Variants in PRODH2 observed in about 807,000 individuals in gnomAD.
PRODH2 encodes proline dehydrogenase 2.
In PRODH2, 49 loss-of-function variants were observed where a neutral mutation model predicts 51.9. That is an observed-to-expected ratio of 0.94 (90% confidence interval 0.75 to 1.20). PRODH2 has a LOEUF of 1.20. Among genes scored for constraint, PRODH2 ranks in the 50% most tolerant of loss-of-function variants. The probability of loss-of-function intolerance (pLI) is 0.00; values close to 1 mark genes in which losing one functional copy is unlikely to be tolerated. For missense variants in PRODH2, 597 were observed against 610.9 expected, an observed-to-expected ratio of 0.98 and a Z score of 0.24; for synonymous variants, 249 against 260.7, an observed-to-expected ratio of 0.96 and a Z score of 0.43.
At chr19:35,808,842 C>G (rs1972556892) in intron 4 of PRODH2, among the ~76,000 whole-genome samples, 1 of 142,604 alleles carries the variant, frequency 7.0e-6, no homozygotes, top group South Asian at 2.4e-4. Context: ...ATAGATCTCA[C>G]TCTGTCTCCC....
At chr19:35,810,664 G>A (rs1057124818) in intron 4 of PRODH2, among the ~76,000 whole-genome samples, 1 of 152,114 alleles carries the variant, frequency 6.6e-6, no homozygotes, top group African/African-American at 2.4e-5. Flanking sequence ...GGGACTACAG[G>A]TGTGTGCCAC....
At chr19:35,807,252 C>T (rs1972529224) in intron 4 of PRODH2, 131 bp from the exon 5 acceptor site, 2 of 847,920 alleles carry the variant, frequency 2.4e-6, no homozygotes, top group Non-Finnish European at 3.7e-6. Context: ...CAGGCTTCAC[C>T]ACCTACTGTG....
chr19:35,812,300 G>C (rs772323425), intron 2 of PRODH2, 28 bp from the exon 3 acceptor site: 1 of 1,612,208 alleles, frequency 6.2e-7, no homozygotes, highest in Non-Finnish European at 8.5e-7. Context: ...GTCAGGGCCC[G>C]AACAGCAAAG....
At chr19:35,807,145 G>A in intron 4 of PRODH2, 24 bp from the exon 5 acceptor site, 1 of 1,521,342 alleles carries the variant, frequency 6.6e-7, no homozygotes, top group Non-Finnish European at 8.9e-7. Context: ...GGGGAAGTGG[G>A]GAAAAGCTTA....
chr19:35,802,944 C>T (rs144016042), intron 8 of PRODH2, 24 bp downstream of exon 8: 500 of 1,488,888 alleles, frequency 3.4e-4, no homozygotes, highest in Non-Finnish European at 4.1e-4. Context: ...GCACCTATTT[C>T]CCGCCCATCC....
In PRODH2 at chr19:35,806,417, G is replaced by A. The variant is rs1159601422; in HGVS notation, c.1001+13C>T. On this transcript the variant is annotated intron_variant, in intron 7 of 9. Transcript: ENST00000653904. Reference sequence around the variant, plus strand: ...TTATTATTTCCTGCAGAGGCCAGCTGGCCCGGGCCTACCTCTGACTGGTGG... The same window carrying A: ...TTATTATTTCCTGCAGAGGCCAGCTAGCCCGGGCCTACCTCTGACTGGTGG... 1 of 1,613,878 alleles carries A rather than the reference G, an allele frequency of 6.2e-7. No homozygotes were observed. The highest frequency in any genetic ancestry group is 1.7e-5 in the Admixed American group (1 of 59,996).
At chr19:35,812,074 G>A in intron 3 of PRODH2, 26 bp from the exon 4 acceptor site, 1 of 1,614,016 alleles carries the variant, frequency 6.2e-7, no homozygotes, top group Non-Finnish European at 8.5e-7. Flanking sequence ...AGGCGGGGTG[G>A]TGAGGGGAGC....
At chr19:35,807,838 C>T (rs542475198) in intron 4 of PRODH2, among the ~76,000 whole-genome samples, 12 of 151,918 alleles carry the variant, frequency 7.9e-5, no homozygotes, top group Admixed American at 2.6e-4. Flanking sequence ...TGCAGTGGCA[C>T]GATCATGGCT....
rs1972635279 is a variant in PRODH2, at chr19:35,812,668, C to T, written c.138G>A (p.Leu46=). The change falls in exon 1 of 10, where the codon CTG becomes CTA. Residue 46 remains leucine, a synonymous_variant. Transcript: ENST00000653904. ...ELTRALLVLR[L]CAWPPLVTHG... is the part of the protein sequence containing the mutation. The stretch of plus-strand genomic sequence containing the variant: ...GAGTGACGAGTGGGGGCCAGGCACA[C>T]AGCCGGAGAACCAGCAAGGCCCGTG... 2 of 1,598,832 alleles carry T rather than the reference C, an allele frequency of 1.3e-6. No homozygotes were observed. Among genetic ancestry groups the T allele is most frequent in the East Asian group, 2.2e-5 (1 of 44,634 alleles).
chr19:35,807,104 G>A lies in PRODH2; in HGVS notation c.615C>T (p.Cys205=). Residue 205 remains cysteine, a synonymous_variant, in exon 5 of 10, where the codon TGC becomes TGT. Coordinates refer to ENST00000653904, the MANE Select transcript of PRODH2 (RefSeq NM_021232.2). The part of the protein sequence containing the change: ...MDSGQNLQVS[C]LNAEQNQHLR... ...GGTGCTGGTTCTGCTCAGCATTGAG[G>A]CAGGAGACCTGGAGGTTCTAGGGGG... is the stretch of plus-strand genomic sequence containing the variant. 6.4e-7 allele frequency: 1 copy of A among 1,552,474 alleles called. No homozygotes were observed. Among genetic ancestry groups the A allele is most frequent in the Non-Finnish European group, 8.7e-7 (1 of 1,147,292 alleles).
At chr19:35,800,358 C>G (rs1972401501) in intron 9 of PRODH2, 136 bp from the exon 10 acceptor site, 1 of 768,228 alleles carries the variant, frequency 1.3e-6, no homozygotes, top group Admixed American at 3.4e-5. Context: ...AAGCGATTCT[C>G]ATGCCTCAGC....
At chr19:35,801,821 T>C (rs566759496) in intron 9 of PRODH2, 2 of 250,670 alleles carry the variant, frequency 8.0e-6, no homozygotes, top group South Asian at 1.3e-4. Flanking sequence ...AACCCCCTTA[T>C]GTATTTGCAG....
At chr19:35,807,194 G>A (rs1251828958) in intron 4 of PRODH2, 73 bp from the exon 5 acceptor site, 18 of 1,348,442 alleles carry the variant, frequency 1.3e-5, no homozygotes, top group Non-Finnish European at 1.8e-5. Context: ...ATATCAGTTA[G>A]GTACTATTTA....
intron 7 of PRODH2, among the ~76,000 whole-genome samples, chr19:35,804,114 C>T (rs987367322): frequency 6.6e-6 from 1 of 152,182 alleles, no homozygotes; most frequent in Admixed American, 6.5e-5. Flanking sequence ...CTAAGGTGGC[C>T]CCTCTCCTTC....
intron 7 of PRODH2, among the ~76,000 whole-genome samples, chr19:35,803,377 C>G (rs906577997): frequency 2.0e-5 from 3 of 152,174 alleles, no homozygotes; most frequent in African/African-American, 7.2e-5. Context: ...GCCTCAGCCT[C>G]CCGAGCAGCT....
At chr19:35,812,310 G>T in intron 2 of PRODH2, 38 bp from the exon 3 acceptor site, 3 of 1,611,026 alleles carry the variant, frequency 1.9e-6, no homozygotes, top group Non-Finnish European at 2.5e-6. Context: ...GAACAGCAAA[G>T]CCCCTTCCTG....
chr19:35,812,416 G>A lies in PRODH2; in HGVS notation c.315C>T (p.Leu105=), dbSNP rs780138472. 28 of 1,614,108 alleles carry A rather than the reference G, an allele frequency of 1.7e-5. No homozygotes were observed. In the East Asian group the frequency reaches 6.2e-4, roughly 36 times the overall value. The stretch of plus-strand genomic sequence containing the variant: ...CAGTGGGCACTGCCAGCAGTGGTCG[G>A]AGGCTGAGGGTCCGCAGCTGCTGCA... ...GCVQQLRTLS[L]RPLLAVPTEE... Residue 105 remains leucine, a synonymous_variant, in exon 2 of 10, where the codon CTC becomes CTT. Transcript: ENST00000653904.
At chr19:35,810,281 T>C (rs1219483301) in intron 4 of PRODH2, among the ~76,000 whole-genome samples, 1 of 147,070 alleles carries the variant, frequency 6.8e-6, no homozygotes, top group African/African-American at 2.5e-5. Flanking sequence ...ATAATAATAA[T>C]AATAATAATA....
At chr19:35,804,858 C>A (rs1446022030) in intron 7 of PRODH2, among the ~76,000 whole-genome samples, 1 of 152,038 alleles carries the variant, frequency 6.6e-6, no homozygotes, top group African/African-American at 2.4e-5. Flanking sequence ...ATGGCTTGGG[C>A]CTGGGGAGTC....
Sources: allele counts gnomAD v4.1 joint callset (sites outside exome capture counted in the v4.1 genomes callset), GRCh38; gene constraint gnomAD v4.1.1; transcripts MANE v1.5; gene names NCBI Gene and HGNC (gene_info 2026-07-23, HGNC 2026-07-21).